TVP23C: variants seen among roughly 807,000 people sequenced by gnomAD.
The protein encoded by TVP23C is trans-golgi network vesicle protein 23 homolog C, also known as Golgi apparatus membrane protein TVP23 homolog C.
In TVP23C, 19 loss-of-function variants were observed where a neutral mutation model predicts 28.7. The ratio of observed to expected loss-of-function variants is 0.66; its 90% CI spans 0.46 to 0.97. The LOEUF is 0.97. Among genes scored for constraint, TVP23C ranks in the 50% least tolerant of loss-of-function variants. TVP23C has a pLI of 0.00. For synonymous variants in TVP23C, 68 were observed against 81.7 expected, an observed-to-expected ratio of 0.83 and a Z score of 0.90; for missense variants, 186 against 241.3, an observed-to-expected ratio of 0.77 and a Z score of 1.52.
At chr17:15,514,989 G>A (rs1389541290) in intron 5 of TVP23C, among the ~76,000 whole-genome samples, 1 of 152,144 alleles carries the variant, frequency 6.6e-6, no homozygotes, top group Non-Finnish European at 1.5e-5. Flanking sequence ...GAGCTTCAGT[G>A]TGCTTTAGGT....
exon 6 of TVP23C, chr17:15,502,884 G>A (rs1482154449): frequency 1.3e-6 from 2 of 1,591,660 alleles, no homozygotes; most frequent in Non-Finnish European, 1.7e-6. Context: ...CCGGATGCCA[G>A]ATGAAATTTT....
chr17:15,526,310 C>G (rs1175224917), intron 5 of TVP23C, among the ~76,000 whole-genome samples: 3 of 152,152 alleles, frequency 2.0e-5, no homozygotes, highest in African/African-American at 4.8e-5. Flanking sequence ...TCAAGCTCAT[C>G]ATCGAAGCCT....
downstream of TVP23C, among the ~76,000 whole-genome samples, chr17:15,534,499 AC>A (rs1983073385): frequency 6.7e-6 from 1 of 149,942 alleles, no homozygotes; most frequent in Admixed American, 6.6e-5. Flanking sequence ...ACATAAAGGA[AC>A]TTTAATAAGC....
At chr17:15,524,742 C>A (rs1982650414) in intron 5 of TVP23C, among the ~76,000 whole-genome samples, 1 of 152,128 alleles carries the variant, frequency 6.6e-6, no homozygotes, top group Non-Finnish European at 1.5e-5. Flanking sequence ...GCTCACAGAT[C>A]CACAGTGAAA....
chr17:15,512,449 AGTC>A (rs1258654733), intron 5 of TVP23C, among the ~76,000 whole-genome samples: 1 of 152,182 alleles, frequency 6.6e-6, no homozygotes, highest in Non-Finnish European at 1.5e-5. Context: ...AAAGGGGACA[AGTC>A]TACAGGGGGA....
chr17:15,524,057 G>A (rs541529817), intron 5 of TVP23C, among the ~76,000 whole-genome samples: 1,910 of 141,988 alleles, frequency 0.013, 42 homozygotes, highest in African/African-American at 0.049. Context: ...GGTTGTAGCA[G>A]AGTGGGGTGT....
downstream of TVP23C, among the ~76,000 whole-genome samples, chr17:15,535,580 T>C (rs1983120493): frequency 6.6e-6 from 1 of 152,142 alleles, no homozygotes; most frequent in Non-Finnish European, 1.5e-5. Context: ...CATAATAAAA[T>C]GACTTTTCAC....
rs1983250081 is a variant in TVP23C at position 15,538,379 on chromosome 17, A to G, written c.*2033T>C. 5 of 830,482 alleles carry G rather than the reference A, an allele frequency of 6.0e-6. No homozygotes were observed. The highest frequency in any genetic ancestry group is 7.3e-6 in the Non-Finnish European group (5 of 688,914). The allele number at this position is 830,482 out of a possible 1,614,324, so 51.4% of individuals were successfully genotyped here. The stretch of plus-strand genomic sequence containing the variant: ...GCCGAGGAGGGTGGATCATGAGGTC[A>G]GGAGATCGAGACCCTCCTGGCTAAC... On this transcript the variant is annotated 3_prime_UTR_variant, in exon 6 of 6. Transcript: ENST00000518321.
At chr17:15,545,942 T>C (rs201763463) in intron 4 of TVP23C, 26 bp from the exon 5 acceptor site, 262 of 1,590,050 alleles carry the variant, frequency 1.6e-4, no homozygotes, top group Non-Finnish European at 2.2e-4. Flanking sequence ...AATTCAATTA[T>C]CATGTTGTGA....
chr17:15,538,697 T>C lies in TVP23C; in HGVS notation c.*1715A>G, dbSNP rs1174427021. 3.0e-6 allele frequency: 3 copies of C among 985,298 alleles called. No homozygotes were observed. Among genetic ancestry groups the C allele is most frequent in the East Asian group, 1.1e-4 (1 of 8,828 alleles). The allele number at this position is 985,298 out of a possible 1,614,324, so 61.0% of individuals were successfully genotyped here. ...TTGTCTCATTTGAGCAGACGCCGGA[T>C]ACCATGTAAGACACTAACCCTATCC... On this transcript the variant is annotated 3_prime_UTR_variant, in exon 6 of 6. Transcript: ENST00000518321.
chr17:15,530,333 C>G (rs1366484637), intron 5 of TVP23C, among the ~76,000 whole-genome samples: 1 of 152,002 alleles, frequency 6.6e-6, no homozygotes, highest in East Asian at 1.9e-4. Context: ...AGAGGTTGCC[C>G]TAGGGACTAT....
intron 3 of TVP23C, among the ~76,000 whole-genome samples, chr17:15,548,169 T>C (rs1316654636): frequency 3.3e-5 from 5 of 152,230 alleles, no homozygotes; most frequent in African/African-American, 1.2e-4. Flanking sequence ...TTGTTTGGTT[T>C]TGTTTTTTGT....
chr17:15,533,885 G>A (rs866001556), downstream of TVP23C, among the ~76,000 whole-genome samples: 3 of 152,322 alleles, frequency 2.0e-5, no homozygotes, highest in Middle Eastern at 6.8e-3. Context: ...AATGGGTAAT[G>A]GAGCAAATAT....
chr17:15,509,685 C>T (rs758315586), intron 5 of TVP23C, among the ~76,000 whole-genome samples: 1 of 152,168 alleles, frequency 6.6e-6, no homozygotes, highest in Non-Finnish European at 1.5e-5. Flanking sequence ...CATGATTGTG[C>T]CACTGCACTC....
At chr17:15,524,737 C>T (rs967558415) in intron 5 of TVP23C, among the ~76,000 whole-genome samples, 11 of 152,294 alleles carry the variant, frequency 7.2e-5, no homozygotes, top group Admixed American at 2.0e-4. Context: ...TAGGTGCTCA[C>T]AGATCCACAG....
At chr17:15,503,479 G>A (rs1240864496) in intron 5 of TVP23C, 1 of 362,016 alleles carries the variant, frequency 2.8e-6, no homozygotes, top group Admixed American at 4.4e-5. Flanking sequence ...CAGTGAAGGG[G>A]ACTGAAGATT....
At chr17:15,510,187 C>G (rs1981940462) in intron 5 of TVP23C, among the ~76,000 whole-genome samples, 2 of 152,052 alleles carry the variant, frequency 1.3e-5, no homozygotes, top group Admixed American at 6.6e-5. Context: ...TTTCGGGGTT[C>G]TAGTGAGGAG....
At chr17:15,563,185 C>A in intron 1 of TVP23C, 2 of 578,272 alleles carry the variant, frequency 3.5e-6, no homozygotes, top group Non-Finnish European at 5.8e-6. Context: ...CCCACTCGCG[C>A]TGGTTAACAA....
At chr17:15,523,769 A>G (rs1391891227) in intron 5 of TVP23C, among the ~76,000 whole-genome samples, 2 of 151,748 alleles carry the variant, frequency 1.3e-5, no homozygotes, top group Non-Finnish European at 2.9e-5. Flanking sequence ...GCCCGCCACC[A>G]TGCCCGGCTA....
Sources: allele counts gnomAD v4.1 joint callset (sites outside exome capture counted in the v4.1 genomes callset), GRCh38; gene constraint gnomAD v4.1.1; transcripts MANE v1.5; gene names NCBI Gene and HGNC (gene_info 2026-07-23, HGNC 2026-07-21).